Variants in PLCB4 observed in about 807,000 individuals in gnomAD.
The protein encoded by PLCB4 is phospholipase C beta 4, also known as 1-phosphatidylinositol 4,5-bisphosphate phosphodiesterase beta-4.
In PLCB4, 77 loss-of-function variants were observed where a neutral mutation model predicts 178.8. The observed-to-expected ratio is 0.43, with a 90% confidence interval of 0.36 to 0.52. PLCB4 has a LOEUF of 0.52. PLCB4 is among the 20% of genes least tolerant of loss of function. The pLI is 0.00. For missense variants in PLCB4, 1,024 were observed against 1,453.4 expected, an observed-to-expected ratio of 0.70 and a Z score of 4.80; for synonymous variants, 496 against 490.8, an observed-to-expected ratio of 1.01 and a Z score of -0.14.
intron 3 of PLCB4, among the ~76,000 whole-genome samples, chr20:9,237,000 C>T (rs746855044): frequency 9.9e-5 from 15 of 152,046 alleles, no homozygotes; most frequent in Non-Finnish European, 1.8e-4. Flanking sequence ...TAAATGATAC[C>T]TTCATGATAC....
chr20:9,137,683 A>G (rs563971862), intron 2 of PLCB4, among the ~76,000 whole-genome samples: 1 of 149,572 alleles, frequency 6.7e-6, no homozygotes, highest in Admixed American at 6.6e-5. Context: ...ATAAGTAAGT[A>G]TTTTCCCCTT....
chr20:9,352,913 G>A (rs2034473621), intron 7 of PLCB4, among the ~76,000 whole-genome samples: 2 of 152,164 alleles, frequency 1.3e-5, no homozygotes, highest in Admixed American at 1.3e-4. Flanking sequence ...AGCATGCTCT[G>A]AGGGTGATTT....
intron 2 of PLCB4, among the ~76,000 whole-genome samples, chr20:9,129,269 G>C (rs897142706): frequency 6.6e-6 from 1 of 152,140 alleles, no homozygotes; most frequent in African/African-American, 2.4e-5. Flanking sequence ...GGGCCGAAAA[G>C]TCAGTCCCCC....
At chr20:9,224,790 T>C (rs2093842909) in intron 3 of PLCB4, among the ~76,000 whole-genome samples, 1 of 152,198 alleles carries the variant, frequency 6.6e-6, no homozygotes, top group South Asian at 2.1e-4. Context: ...ACCATGACCT[T>C]TGAGAGAGAA....
intron 3 of PLCB4, among the ~76,000 whole-genome samples, chr20:9,238,494 C>T: frequency 6.6e-6 from 1 of 152,120 alleles, no homozygotes; most frequent in South Asian, 2.1e-4. Flanking sequence ...CTTTGATTTC[C>T]AAATCCAGTC....
intron 36 of PLCB4, among the ~76,000 whole-genome samples, chr20:9,470,909 A>AT (rs1342072935): frequency 6.6e-6 from 1 of 152,176 alleles, no homozygotes; most frequent in Admixed American, 6.5e-5. Flanking sequence ...TTAAAAAATA[A>AT]TTTTTCTATA....
rs181660959 is a variant in PLCB4 at position 9,077,261 on chromosome 20, G to A, written c.-135+8055G>A. ...ACTGAAAGATTCAAGATCTTTGTTC[G>A]TAGGTCTTTGTGCACATGTGTGAGA... On this transcript the variant is annotated intron_variant, in intron 1 of 39. Coordinates refer to ENST00000378473, the MANE Select transcript of PLCB4 (RefSeq NM_001377142.1). Among the ~76,000 whole-genome samples, 544 of 152,268 alleles carry A rather than the reference G, an allele frequency of 3.6e-3. 3 individuals are homozygous for A. Among genetic ancestry groups the A allele is most frequent in the African/African-American group, 0.012 (512 of 41,562 alleles).
chr20:9,347,119 G>A (rs2033875080), intron 7 of PLCB4, among the ~76,000 whole-genome samples: 1 of 152,182 alleles, frequency 6.6e-6, no homozygotes, highest in South Asian at 2.1e-4. Context: ...GCCTGTGGGA[G>A]CCAGGGAAAT....
At chr20:9,360,549 G>A (rs1475598492) in intron 7 of PLCB4, among the ~76,000 whole-genome samples, 2 of 151,882 alleles carry the variant, frequency 1.3e-5, no homozygotes, top group Non-Finnish European at 2.9e-5. Context: ...TGCAGGTTGA[G>A]AAAATGCATC....
chr20:9,191,696 C>A (rs889769686), intron 2 of PLCB4, among the ~76,000 whole-genome samples: 1 of 151,890 alleles, frequency 6.6e-6, no homozygotes, highest in African/African-American at 2.4e-5. Context: ...GGAAATATAC[C>A]CCGAGTCCCT....
chr20:9,175,808 T>A (rs1342827062), intron 2 of PLCB4, among the ~76,000 whole-genome samples: 1 of 152,176 alleles, frequency 6.6e-6, no homozygotes, highest in East Asian at 1.9e-4. Context: ...TCCCTGACAT[T>A]ATCTCCAAAT....
chr20:9,227,895 A>G (rs1461525873), intron 3 of PLCB4, among the ~76,000 whole-genome samples: 1 of 152,146 alleles, frequency 6.6e-6, no homozygotes, highest in Non-Finnish European at 1.5e-5. Flanking sequence ...CAACTATGGT[A>G]TTATAGCTCA....
Position 9,419,858 on chromosome 20 carries a change from C to T in PLCB4, c.2103C>T (p.Pro701=), listed in dbSNP as rs1392596843. The T allele has an allele frequency of 6.2e-7, 1 of 1,614,128 alleles. No homozygotes were observed. Among genetic ancestry groups the T allele is most frequent in the Non-Finnish European group, 8.5e-7 (1 of 1,179,956 alleles). ...FMRRPDRTFD[P]FSETPVDGVI... ...GGCGGCCTGATCGAACATTTGACCC[C>T]TTCTCTGAAACTCCTGTTGATGGTG... Residue 701 remains proline (P), a synonymous_variant, in exon 26 of 40, where the codon CCC becomes CCT. Transcript: ENST00000378473.
chr20:9,350,425 G>A (rs1031193762), intron 7 of PLCB4, among the ~76,000 whole-genome samples: 8 of 152,204 alleles, frequency 5.3e-5, no homozygotes, highest in African/African-American at 1.9e-4. Flanking sequence ...CAGAGAGGTT[G>A]AGTAACTTGA....
At chr20:9,188,953 A>C (rs1450314201) in intron 2 of PLCB4, among the ~76,000 whole-genome samples, 7 of 37,786 alleles carry the variant, frequency 1.9e-4, no homozygotes, top group Non-Finnish European at 2.6e-4. Context: ...GAGAGCTGTC[A>C]TATAGTGACA....
At chr20:9,427,449 T>A (rs2041099572) in intron 28 of PLCB4, among the ~76,000 whole-genome samples, 1 of 152,170 alleles carries the variant, frequency 6.6e-6, no homozygotes, top group African/African-American at 2.4e-5. Flanking sequence ...AATATTATTT[T>A]GCTACAAAAC....
At chr20:9,357,176 T>C (rs2034907386) in intron 7 of PLCB4, among the ~76,000 whole-genome samples, 1 of 152,100 alleles carries the variant, frequency 6.6e-6, no homozygotes, top group Non-Finnish European at 1.5e-5. Flanking sequence ...GATTTGTGAG[T>C]TGTCGATACC....
At chr20:9,303,444 TCTGTATTTGG>T (rs1382187801) in intron 3 of PLCB4, among the ~76,000 whole-genome samples, 1 of 152,220 alleles carries the variant, frequency 6.6e-6, no homozygotes, top group Non-Finnish European at 1.5e-5. Context: ...TATTTGTCTT[TCTGTATTTGG>T]CTTATTTCAC....
At chr20:9,089,442 T>G (rs1292525284) in intron 1 of PLCB4, among the ~76,000 whole-genome samples, 1 of 152,088 alleles carries the variant, frequency 6.6e-6, no homozygotes, top group Non-Finnish European at 1.5e-5. Context: ...CTAATTATAA[T>G]AGGTGGTAAC....
Sources: allele counts gnomAD v4.1 joint callset (sites outside exome capture counted in the v4.1 genomes callset), GRCh38; gene constraint gnomAD v4.1.1; transcripts MANE v1.5; gene names NCBI Gene and HGNC (gene_info 2026-07-23, HGNC 2026-07-21).